MED13L: variants seen among roughly 807,000 people sequenced by gnomAD.
MED13L encodes mediator of RNA polymerase II transcription subunit 13-like.
A neutral mutation model predicts 220.9 loss-of-function variants in MED13L; 7 were observed. That is an observed-to-expected ratio of 0.03 (90% confidence interval 0.02 to 0.06). The LOEUF (loss-of-function observed/expected upper bound fraction) is 0.06. Among genes scored for constraint, MED13L ranks in the 10% least tolerant of loss-of-function variants. The probability of loss-of-function intolerance (pLI) is 1.00; values close to 1 mark genes in which losing one functional copy is unlikely to be tolerated. For missense variants in MED13L, 1,965 were observed against 2,760.5 expected, an observed-to-expected ratio of 0.71 and a Z score of 6.46; for synonymous variants, 1,011 against 1,015.2, an observed-to-expected ratio of 1.00 and a Z score of 0.08.
intron 2 of MED13L, among the ~76,000 whole-genome samples, chr12:116,162,197 C>T (rs1878906136): frequency 6.8e-6 from 1 of 146,178 alleles, no homozygotes; most frequent in African/African-American, 2.5e-5. Context: ...CTGCTTTAAC[C>T]CTTATAAAAA....
At chr12:116,002,935 G>A (rs75081071) in intron 14 of MED13L, 68 bp downstream of exon 14, 17,246 of 1,215,960 alleles carry the variant, frequency 0.014, 169 homozygotes, top group Middle Eastern at 0.037. Flanking sequence ...GCACCACTAA[G>A]TATGAGAATA....
chr12:116,217,853 C>G (rs1883095233), intron 2 of MED13L, among the ~76,000 whole-genome samples: 1 of 152,102 alleles, frequency 6.6e-6, no homozygotes, highest in Non-Finnish European at 1.5e-5. Context: ...CCACTAAAAC[C>G]TCATAAGCAT....
intron 4 of MED13L, among the ~76,000 whole-genome samples, chr12:116,078,141 CAAA>C (rs924705816): frequency 1.7e-5 from 1 of 58,712 alleles, no homozygotes; most frequent in Non-Finnish European, 3.5e-5. Flanking sequence ...GACTCTGTCT[CAAA>C]AAAAAAAAAA....
chr12:115,987,420 C>G, intron 17 of MED13L, 132 bp from the exon 18 acceptor site: 1 of 801,556 alleles, frequency 1.2e-6, no homozygotes, highest in Non-Finnish European at 2.0e-6. Flanking sequence ...AAATATTTGA[C>G]TTAGGAGTCA....
chr12:116,082,379 C>T (rs543842191), intron 4 of MED13L, among the ~76,000 whole-genome samples: 17 of 152,256 alleles, frequency 1.1e-4, no homozygotes, highest in Admixed American at 1.3e-4. Context: ...TCATGTCCAT[C>T]CAAATGAGAA....
intron 22 of MED13L, 130 bp downstream of exon 22, chr12:115,982,254 C>A: frequency 1.1e-6 from 1 of 927,390 alleles, no homozygotes; most frequent in Non-Finnish European, 1.7e-6. Context: ...CACTCTGGTT[C>A]CTAGTATTTT....
At position 116,022,603 on chromosome 12, in the gene MED13L, TACAA is replaced by T; in HGVS notation, c.480-6_480-3del. 6.2e-7 allele frequency: 1 copy of T among 1,611,392 alleles called. No individual in the cohort carries two copies. The highest frequency in any genetic ancestry group is 8.5e-7 in the Non-Finnish European group (1 of 1,178,620). ...GTGAAAGCACAGGACAAATGCTCACTACAAAAGAGAGAATGAGAAACTCAACTTT... is the reference window on the plus strand; with the variant it reads ...GTGAAAGCACAGGACAAATGCTCACTAAGAGAGAATGAGAAACTCAACTTT... On this transcript the variant is annotated splice_region_variant and splice_polypyrimidine_tract_variant and intron_variant, in intron 4 of 30. Coordinates refer to ENST00000281928, the MANE Select transcript of MED13L (RefSeq NM_015335.5).
intron 4 of MED13L, among the ~76,000 whole-genome samples, chr12:116,077,577 AT>A (rs1870901375): frequency 6.6e-6 from 1 of 152,244 alleles, no homozygotes; most frequent in Admixed American, 6.5e-5. Context: ...TGGATATACT[AT>A]CTGCATAAGA....
chr12:116,152,390 C>T (rs913467737), intron 2 of MED13L, among the ~76,000 whole-genome samples: 1 of 152,062 alleles, frequency 6.6e-6, no homozygotes, highest in African/African-American at 2.4e-5. Context: ...TTTTGCTTTG[C>T]TTGGACATAC....
intron 2 of MED13L, among the ~76,000 whole-genome samples, chr12:116,204,313 G>A (rs895439477): frequency 6.6e-6 from 1 of 152,204 alleles, no homozygotes; most frequent in African/African-American, 2.4e-5. Flanking sequence ...CAGCTGCTCA[G>A]GAGTCAGGAG....
intron 30 of MED13L, 74 bp from the exon 31 acceptor site, chr12:115,961,472 C>G (rs897608397): frequency 5.3e-5 from 84 of 1,581,418 alleles, no homozygotes; most frequent in Non-Finnish European, 6.9e-5. Context: ...CTAATACATT[C>G]CAGATCTTAG....
chr12:116,005,808 C>T, intron 13 of MED13L, 61 bp downstream of exon 13: 1 of 1,595,592 alleles, frequency 6.3e-7, no homozygotes, highest in Non-Finnish European at 8.6e-7. Context: ...AATACTACAA[C>T]ACTGATATAA....
At chr12:116,176,035 G>A (rs16946532) in intron 2 of MED13L, among the ~76,000 whole-genome samples, 6,621 of 152,156 alleles carry the variant, frequency 0.044, 505 homozygotes, top group African/African-American at 0.15. Context: ...GGAAGCTATG[G>A]GAGTGGAAGA....
chr12:115,960,921 C>T lies in MED13L; in HGVS notation c.*345G>A. 1 of 363,398 alleles carries T rather than the reference C, an allele frequency of 2.8e-6. No homozygotes were observed. Among genetic ancestry groups the T allele is most frequent in the South Asian group, 2.3e-5 (1 of 44,064 alleles). 22.5% of individuals were successfully genotyped at this position (363,398 alleles called of 1,614,324 possible). A position where few individuals can be genotyped will look rare whatever the true frequency, so the allele number is the denominator to read the frequency against. On this transcript the variant is annotated 3_prime_UTR_variant, in exon 31 of 31. Transcript: ENST00000281928. ...CTCAATTGTATACAGAGGCTGAAAACACAGACTCTTGTGCAAAAGGACACT... is the reference window on the plus strand; with the variant it reads ...CTCAATTGTATACAGAGGCTGAAAATACAGACTCTTGTGCAAAAGGACACT...
At chr12:115,975,848 G>A (rs767547495) in intron 23 of MED13L, 110 bp from the exon 24 acceptor site, 35 of 984,666 alleles carry the variant, frequency 3.6e-5, no homozygotes, top group Non-Finnish European at 4.7e-5. Flanking sequence ...GTAGTAAATC[G>A]TTTCTCTCTC....
chr12:116,182,102 A>G (rs1268456809), intron 2 of MED13L, among the ~76,000 whole-genome samples: 1 of 152,116 alleles, frequency 6.6e-6, no homozygotes, highest in Non-Finnish European at 1.5e-5. Flanking sequence ...TTCTATTGCC[A>G]GTCATTGTAA....
chr12:116,227,212 C>T (rs989170585), intron 2 of MED13L, among the ~76,000 whole-genome samples: 1 of 152,108 alleles, frequency 6.6e-6, no homozygotes, highest in African/African-American at 2.4e-5. Context: ...CCCATTCTTT[C>T]GCTATTTATC....
rs976359054 is a variant in MED13L at position 116,235,659 on chromosome 12, C to T, written c.310+1809G>A. ...AATTTACACATGCAATCTAAAGCAA[C>T]TATCCCAAAATTTAAATGCCCTACT... On this transcript the variant is annotated intron_variant, in intron 2 of 30. Transcript: ENST00000281928. Among the ~76,000 whole-genome samples, 3 of 152,268 alleles carry T rather than the reference C, an allele frequency of 2.0e-5. No homozygotes were observed. The South Asian group carries it at 6.2e-4, about 32-fold the overall frequency.
In MED13L at chr12:116,015,162, A is replaced by G; in HGVS notation, c.1122T>C (p.Asn374=). The part of the protein sequence containing the change: ...RSGKIPPKLH[N]HMVHRVWKEC... ...CCTTCCAGACTCGATGGACCATATG[A>G]TTGTGGAGTTTTGGAGGAATCTTCC... The change falls in exon 8 of 31, where the codon AAT becomes AAC. Residue 374 remains asparagine (N), a synonymous_variant. Coordinates refer to ENST00000281928, the MANE Select transcript of MED13L (RefSeq NM_015335.5). 6.2e-7 allele frequency: 1 copy of G among 1,613,832 alleles called. No homozygotes were observed. Among genetic ancestry groups the G allele is most frequent in the Non-Finnish European group, 8.5e-7 (1 of 1,179,884 alleles).
Sources: allele counts gnomAD v4.1 joint callset (sites outside exome capture counted in the v4.1 genomes callset), GRCh38; gene constraint gnomAD v4.1.1; transcripts MANE v1.5; gene names NCBI Gene and HGNC (gene_info 2026-07-23, HGNC 2026-07-21).